Variants in SLC41A3 observed in about 807,000 individuals in gnomAD.
The protein encoded by SLC41A3 is solute carrier family 41 member 3.
In SLC41A3, 44 loss-of-function variants were observed where a neutral mutation model predicts 45.4. The ratio of observed to expected loss-of-function variants is 0.97; its 90% CI spans 0.76 to 1.25. The LOEUF (loss-of-function observed/expected upper bound fraction) is 1.25. Ranked by LOEUF, SLC41A3 falls within the 50% of genes most tolerant of loss-of-function variation. The pLI is 0.00. For synonymous variants in SLC41A3, 256 were observed against 252.4 expected, an observed-to-expected ratio of 1.01 and a Z score of -0.13; for missense variants, 550 against 600.6, an observed-to-expected ratio of 0.92 and a Z score of 0.88.
chr3:126,072,372 TA>T (rs138420343), intron 1 of SLC41A3, among the ~76,000 whole-genome samples: 48,293 of 126,436 alleles, frequency 0.38, 8,118 homozygotes, highest in East Asian at 0.54. Context: ...TAAAAAAAAA[TA>T]AAAAAAAAAA....
intron 2 of SLC41A3, among the ~76,000 whole-genome samples, chr3:126,051,744 C>G (rs1559860153): frequency 6.6e-6 from 1 of 152,276 alleles, no homozygotes; most frequent in East Asian, 1.9e-4. Flanking sequence ...AATGCCCCAC[C>G]TGATCCTACT....
intron 1 of SLC41A3, among the ~76,000 whole-genome samples, chr3:126,079,657 C>T (rs6799424): frequency 0.14 from 20,956 of 152,142 alleles, 1,622 homozygotes; most frequent in African/African-American, 0.18. Context: ...GACAATTTTA[C>T]CCAACGCAAT....
intron 3 of SLC41A3, among the ~76,000 whole-genome samples, chr3:126,042,758 AT>A (rs1160104659): frequency 6.6e-6 from 1 of 152,230 alleles, no homozygotes; most frequent in Non-Finnish European, 1.5e-5. Flanking sequence ...CAATAATTGA[AT>A]TGAAAAATTC....
intron 2 of SLC41A3, among the ~76,000 whole-genome samples, chr3:126,066,734 G>A (rs1301322266): frequency 6.6e-6 from 1 of 152,192 alleles, no homozygotes; most frequent in Non-Finnish European, 1.5e-5. Flanking sequence ...AGATTTAGCT[G>A]AAGGCAGCCT....
intron 5 of SLC41A3, 163 bp from the exon 6 acceptor site, chr3:126,023,095 G>A: frequency 2.2e-6 from 2 of 916,260 alleles, no homozygotes; most frequent in South Asian, 3.4e-5. Flanking sequence ...TTGACGTGAA[G>A]CCAGGCTGCC....
chr3:126,029,069 T>G (rs1260967848), intron 4 of SLC41A3, among the ~76,000 whole-genome samples: 1 of 152,202 alleles, frequency 6.6e-6, no homozygotes, highest in Non-Finnish European at 1.5e-5. Flanking sequence ...AGATGAGACT[T>G]TGGACTTTTG....
At chr3:126,036,308 A>C (rs1178991142) in intron 3 of SLC41A3, among the ~76,000 whole-genome samples, 1 of 152,200 alleles carries the variant, frequency 6.6e-6, no homozygotes, top group Non-Finnish European at 1.5e-5. Context: ...GGCATCAACA[A>C]GCTCAACACA....
At chr3:126,048,159 T>C (rs1040474051) in intron 3 of SLC41A3, among the ~76,000 whole-genome samples, 1 of 152,200 alleles carries the variant, frequency 6.6e-6, no homozygotes, top group African/African-American at 2.4e-5. Context: ...GAAAAATTTG[T>C]ATTAATTTTA....
Position 126,006,946 on chromosome 3 carries a change from G to C in SLC41A3, c.*70C>G. 6.2e-7 allele frequency: 1 copy of C among 1,600,674 alleles called. No individual in the cohort carries two copies. The highest frequency in any genetic ancestry group is 1.1e-5 in the South Asian group (1 of 88,688). On this transcript the variant is annotated 3_prime_UTR_variant, in exon 11 of 11. Coordinates refer to ENST00000360370, the MANE Select transcript of SLC41A3 (RefSeq NM_017836.4). The stretch of plus-strand genomic sequence containing the variant: ...ACCATCCCAAGGACCTGGCAAGGGA[G>C]AAACTGAATTCTGTATCCCACTGAT...
chr3:126,014,714 G>A (rs1940092560), intron 8 of SLC41A3, among the ~76,000 whole-genome samples: 1 of 152,222 alleles, frequency 6.6e-6, no homozygotes, highest in African/African-American at 2.4e-5. Context: ...CTGCCTAGGA[G>A]CCTCTGAAGG....
At chr3:126,096,609 C>T (rs113545603) in intron 1 of SLC41A3, among the ~76,000 whole-genome samples, 160 of 152,394 alleles carry the variant, frequency 1.0e-3, no homozygotes, top group African/African-American at 3.7e-3. Context: ...GCCTTAAGGG[C>T]ATGTTCCTGC....
intron 2 of SLC41A3, among the ~76,000 whole-genome samples, chr3:126,062,918 C>G (rs1335161221): frequency 6.6e-6 from 1 of 152,174 alleles, no homozygotes; most frequent in Non-Finnish European, 1.5e-5. Context: ...CCCAGAAACG[C>G]CTTCATGGAA....
At chr3:126,015,396 G>T in intron 8 of SLC41A3, 98 bp downstream of exon 8, 1 of 1,217,926 alleles carries the variant, frequency 8.2e-7, no homozygotes, top group Non-Finnish European at 1.2e-6. Context: ...GCCTGTGCGG[G>T]GCTGGTGCTG....
intron 4 of SLC41A3, among the ~76,000 whole-genome samples, chr3:126,030,614 A>T (rs1017729268): frequency 6.6e-6 from 1 of 152,176 alleles, no homozygotes; most frequent in Non-Finnish European, 1.5e-5. Flanking sequence ...CTCAATGGAC[A>T]GATGGATGAA....
At chr3:126,069,308 G>C (rs1358886430) in intron 1 of SLC41A3, among the ~76,000 whole-genome samples, 2 of 151,996 alleles carry the variant, frequency 1.3e-5, no homozygotes, top group East Asian at 3.9e-4. Flanking sequence ...TGTGCACACA[G>C]AGCCACTGGG....
chr3:126,053,895 A>T (rs772230858), intron 2 of SLC41A3, among the ~76,000 whole-genome samples: 1 of 152,072 alleles, frequency 6.6e-6, no homozygotes, highest in Non-Finnish European at 1.5e-5. Flanking sequence ...CCCCAATCTG[A>T]CATTCAAGTC....
At position 126,016,871 on chromosome 3, in the gene SLC41A3, A is replaced by G; in HGVS notation, c.750T>C (p.Ser250=). ...VSSFFYRHKD[S]RYLTPLVCLS... is the part of the protein sequence containing the mutation. ...GGCAGACCAGCGGCGTCAGATACCGACTATCTGAAAGGAGAACAGGGACAC... is the reference window on the plus strand; with the variant it reads ...GGCAGACCAGCGGCGTCAGATACCGGCTATCTGAAAGGAGAACAGGGACAC... Residue 250 remains serine, a synonymous_variant, in exon 7 of 11, where the codon AGT becomes AGC. Coordinates refer to ENST00000360370, the MANE Select transcript of SLC41A3 (RefSeq NM_017836.4). 1 of 1,611,930 alleles carries G rather than the reference A, an allele frequency of 6.2e-7. No homozygotes were observed. The highest frequency in any genetic ancestry group is 1.1e-5 in the South Asian group (1 of 90,902).
intron 9 of SLC41A3, among the ~76,000 whole-genome samples, chr3:126,011,972 G>A (rs1057180583): frequency 6.6e-6 from 1 of 152,238 alleles, no homozygotes; most frequent in Non-Finnish European, 1.5e-5. Flanking sequence ...GCTTCCAGTG[G>A]TTCTGAGTAG....
intron 3 of SLC41A3, among the ~76,000 whole-genome samples, chr3:126,046,977 A>AG (rs71268592): frequency 3.3e-5 from 5 of 151,046 alleles, no homozygotes; most frequent in African/African-American, 7.3e-5. Flanking sequence ...AAAAAAAAAA[A>AG]GAAAAGAAAA....
Sources: gnomAD v4.1 joint callset for allele counts (sites outside exome capture counted in the v4.1 genomes callset) on GRCh38, gnomAD v4.1.1 for gene constraint, MANE v1.5 for transcripts, NCBI Gene and HGNC (gene_info 2026-07-23, HGNC 2026-07-21) for gene names.